Variants in NEBL observed in about 807,000 individuals in gnomAD.
The protein encoded by NEBL is nebulette, also known as LIM and SH3 protein 2.
A neutral mutation model predicts 140.2 loss-of-function variants in NEBL; 122 were observed. The ratio of observed to expected loss-of-function variants is 0.87; its 90% CI spans 0.75 to 1.01. The LOEUF is 1.01. NEBL is among the 50% of genes least tolerant of loss of function. NEBL has a pLI of 0.00. For missense variants in NEBL, 1,365 were observed against 1,231.3 expected (o/e 1.11, Z -1.62); for synonymous variants, 436 against 398.9 (o/e 1.09, Z -1.11).
At chr10:21,172,848 C>A (rs1841141873) in intron 1 of NEBL, among the ~76,000 whole-genome samples, 1 of 152,074 alleles carries the variant, frequency 6.6e-6, no homozygotes, top group Admixed American at 6.5e-5. Flanking sequence ...TGTCTAAATG[C>A]AGGGTTTGTA....
chr10:21,215,405 A>G (rs1026534487), intron 3 of NEBL, among the ~76,000 whole-genome samples: 1 of 152,234 alleles, frequency 6.6e-6, no homozygotes, highest in African/African-American at 2.4e-5. Context: ...CATAAAACTC[A>G]CATTTGGGAG....
intron 3 of NEBL, among the ~76,000 whole-genome samples, chr10:21,225,224 T>C (rs1019877476): frequency 1.3e-5 from 2 of 152,140 alleles, no homozygotes. Context: ...TTCTCTTCCC[T>C]TAACTTTCTC....
chr10:20,880,831 AC>A lies in NEBL; in HGVS notation c.442del (p.Val148LeufsTer45), dbSNP rs1314099417. On this transcript the variant is annotated frameshift_variant, in exon 5 of 28. Coordinates refer to ENST00000377122, the MANE Select transcript of NEBL (RefSeq NM_006393.3). LOFTEE classifies it high-confidence loss of function. ...TTTATTGACCTCCATGGCATGTTTA[AC>A]CTCAGGGGGCTCCTTCATGTGGGCA... ...DYAHMKEPPE[V>X]KHAMEVNKHQ... 1 of 1,613,958 alleles carries A rather than the reference AC, an allele frequency of 6.2e-7. No individual in the cohort carries two copies. Among genetic ancestry groups the A allele is most frequent in the Admixed American group, 1.7e-5 (1 of 59,990 alleles).
At position 20,976,871 on chromosome 10, in the gene NEBL, C is replaced by T. The variant is rs115828476; in HGVS notation, c.250-15092G>A. ...ACATTAGAAGGCCAAACCTCAGCAT[C>T]ACACAATATACCCATGTAACAAACC... On this transcript the variant is annotated intron_variant, in intron 3 of 6. Transcript: ENST00000417816. Among the ~76,000 whole-genome samples, 568 of 150,028 alleles carry T rather than the reference C, an allele frequency of 3.8e-3. 3 individuals are homozygous for T. Among genetic ancestry groups the T allele is most frequent in the African/African-American group, 0.013 (548 of 40,930 alleles).
chr10:21,103,555 T>C (rs567333875), intron 2 of NEBL, among the ~76,000 whole-genome samples: 1 of 152,122 alleles, frequency 6.6e-6, no homozygotes, highest in African/African-American at 2.4e-5. Context: ...ATCTTAGCCA[T>C]CCTAACAAAA....
chr10:20,786,069 CT>C, intron 27 of NEBL, 146 bp from the exon 28 acceptor site: 2 of 790,098 alleles, frequency 2.5e-6, no homozygotes, highest in Middle Eastern at 3.3e-4. Flanking sequence ...AACCTAGCAT[CT>C]CATTGTGCTG....
At chr10:20,941,165 A>C (rs560713793) in intron 4 of NEBL, among the ~76,000 whole-genome samples, 2 of 152,338 alleles carry the variant, frequency 1.3e-5, no homozygotes, top group African/African-American at 4.8e-5. Flanking sequence ...ATCCCTGATG[A>C]ACATTGATGC....
At chr10:20,936,851 C>T (rs150192061) in intron 4 of NEBL, among the ~76,000 whole-genome samples, 19 of 152,252 alleles carry the variant, frequency 1.2e-4, no homozygotes, top group Admixed American at 2.6e-4. Flanking sequence ...AAGCTTGGGT[C>T]GATTCCTTTT....
chr10:21,196,257 C>G (rs1841646157), intron 3 of NEBL, among the ~76,000 whole-genome samples: 1 of 151,962 alleles, frequency 6.6e-6, no homozygotes. Context: ...CTGCCTTAGC[C>G]TCCCAAAGTG....
intron 4 of NEBL, among the ~76,000 whole-genome samples, chr10:20,955,442 A>G (rs1207403200): frequency 2.0e-5 from 3 of 152,200 alleles, no homozygotes; most frequent in African/African-American, 7.2e-5. Flanking sequence ...TCATTTACAG[A>G]TAGTGTGAAA....
chr10:21,072,006 T>C (rs1237187068), intron 2 of NEBL, among the ~76,000 whole-genome samples: 1 of 152,068 alleles, frequency 6.6e-6, no homozygotes, highest in African/African-American at 2.4e-5. Context: ...TTAGTAGAGA[T>C]GGGGTTTCAC....
chr10:21,023,225 T>C (rs1230971262), intron 2 of NEBL, among the ~76,000 whole-genome samples: 1 of 152,200 alleles, frequency 6.6e-6, no homozygotes, highest in Non-Finnish European at 1.5e-5. Context: ...CAATGATTAA[T>C]TTGAAAATTT....
intron 3 of NEBL, among the ~76,000 whole-genome samples, chr10:21,201,470 T>A (rs1193200924): frequency 6.6e-6 from 1 of 152,198 alleles, no homozygotes; most frequent in Non-Finnish European, 1.5e-5. Flanking sequence ...GAAGCAGGGA[T>A]GGATACAGGT....
intron 3 of NEBL, among the ~76,000 whole-genome samples, chr10:20,973,530 A>G (rs1836670535): frequency 6.6e-6 from 1 of 152,208 alleles, no homozygotes; most frequent in Non-Finnish European, 1.5e-5. Context: ...GATTGTAGAC[A>G]TAAGCCATCG....
chr10:20,799,439 C>T (rs1836885496), intron 26 of NEBL, among the ~76,000 whole-genome samples: 1 of 152,098 alleles, frequency 6.6e-6, no homozygotes, highest in Non-Finnish European at 1.5e-5. Context: ...TGCAGGCGTG[C>T]CCGGTTCATC....
At chr10:21,125,679 A>G in intron 2 of NEBL, 2 of 565,750 alleles carry the variant, frequency 3.5e-6, no homozygotes, top group African/African-American at 1.9e-5. Flanking sequence ...AATGAGAAAT[A>G]AAAGCACACT....
intron 1 of NEBL, among the ~76,000 whole-genome samples, chr10:21,264,921 T>C (rs1842781172): frequency 1.3e-5 from 2 of 151,696 alleles, no homozygotes; most frequent in African/African-American, 4.8e-5. Context: ...GCTGAGCCTC[T>C]TTTATTTTAT....
intron 3 of NEBL, among the ~76,000 whole-genome samples, chr10:20,978,963 T>A (rs2131658174): frequency 1.3e-5 from 2 of 152,310 alleles, no homozygotes; most frequent in South Asian, 4.1e-4. Context: ...ACAGTCATAT[T>A]ACGGCATCTT....
intron 5 of NEBL, among the ~76,000 whole-genome samples, chr10:20,870,935 G>A (rs781716861): frequency 7.9e-5 from 12 of 152,180 alleles, no homozygotes; most frequent in Non-Finnish European, 1.8e-4. Flanking sequence ...AATGTCCGAT[G>A]GCCCATGTTT....
Sources: allele counts gnomAD v4.1 joint callset (sites outside exome capture counted in the v4.1 genomes callset), GRCh38; gene constraint gnomAD v4.1.1; transcripts MANE v1.5; gene names NCBI Gene and HGNC (gene_info 2026-07-23, HGNC 2026-07-21).